DAB1: variants seen among roughly 807,000 people sequenced by gnomAD.
DAB1 encodes DAB adaptor protein 1, also known as disabled homolog 1.
A neutral mutation model predicts 64.6 loss-of-function variants in DAB1; 15 were observed. That is an observed-to-expected ratio of 0.23 (90% confidence interval 0.16 to 0.36). DAB1 has a LOEUF of 0.36. Ranked by LOEUF, DAB1 falls within the 10% of genes least tolerant of loss-of-function variation. DAB1 has a pLI of 1.00. For missense variants in DAB1, 596 were observed against 706.7 expected (o/e 0.84, Z 1.78); for synonymous variants, 235 against 251.9 (o/e 0.93, Z 0.64).
At chr1:57,564,836 T>C (rs964752469) in intron 7 of DAB1, among the ~76,000 whole-genome samples, 6 of 152,276 alleles carry the variant, frequency 3.9e-5, no homozygotes, top group Middle Eastern at 6.8e-3. Context: ...TGGAACCAAG[T>C]TGGAAAACAC....
At chr1:57,259,507 G>T (rs1290562262) in intron 2 of DAB1, among the ~76,000 whole-genome samples, 1 of 152,122 alleles carries the variant, frequency 6.6e-6, no homozygotes, top group Non-Finnish European at 1.5e-5. Context: ...TTCCAAGACT[G>T]GGTGAACCAC....
At chr1:58,121,890 GAA>G (rs1652760052) in intron 5 of DAB1, among the ~76,000 whole-genome samples, 2 of 152,262 alleles carry the variant, frequency 1.3e-5, no homozygotes, top group Admixed American at 1.3e-4. Flanking sequence ...AAGTAGAAGC[GAA>G]AAGAGTTAAG....
intron 9 of DAB1, among the ~76,000 whole-genome samples, chr1:57,053,722 C>T (rs2100536670): frequency 8.0e-6 from 1 of 124,406 alleles, no homozygotes; most frequent in East Asian, 2.4e-4. Flanking sequence ...GAGTCTCACT[C>T]TATCGCCCAG....
intron 3 of DAB1, among the ~76,000 whole-genome samples, chr1:58,453,818 TCA>T (rs1220557595): frequency 6.6e-6 from 1 of 151,796 alleles, no homozygotes; most frequent in East Asian, 1.9e-4. Context: ...CACAAAGATC[TCA>T]CAGAACCTGT....
chr1:58,284,783 C>T (rs1661644771), intron 4 of DAB1, among the ~76,000 whole-genome samples: 1 of 152,222 alleles, frequency 6.6e-6, no homozygotes, highest in South Asian at 2.1e-4. Context: ...GAAGTCTCAT[C>T]ACTGGAAAGG....
At position 57,388,447 on chromosome 1, in the gene DAB1, C is replaced by T. The variant is rs551700083; in HGVS notation, c.-137+35483G>A. On this transcript the variant is annotated intron_variant, in intron 1 of 14. Transcript: ENST00000371236. ...CCAGTCCTCGTGTAGGTGGTTCTGT[C>T]CCAAAGTGATGTGATCTCATTAAAA... 2.6e-5 allele frequency among the ~76,000 whole-genome samples: 4 copies of T among 152,134 alleles called. No individual in the cohort carries two copies. The South Asian group carries it at 8.3e-4, about 32-fold the overall frequency.
Position 57,130,974 on chromosome 1 carries a change from G to A in DAB1, c.306+5569C>T, listed in dbSNP as rs149810641. Reference sequence around the variant, plus strand: ...AGACATTAGAAAGTCATATAGCATAGGAAAATATCTTTTGCCATATGTGTC... The same window carrying A: ...AGACATTAGAAAGTCATATAGCATAAGAAAATATCTTTTGCCATATGTGTC... On this transcript the variant is annotated intron_variant, in intron 4 of 14. Coordinates refer to ENST00000371236, the MANE Select transcript of DAB1 (RefSeq NM_001365792.1). 3.8e-3 allele frequency among the ~76,000 whole-genome samples: 576 copies of A among 152,234 alleles called. 8 individuals carry two copies. The highest frequency in any genetic ancestry group is 0.013 in the African/African-American group (534 of 41,536).
At chr1:57,422,639 C>G (rs1685013128) in intron 1 of DAB1, among the ~76,000 whole-genome samples, 1 of 152,206 alleles carries the variant, frequency 6.6e-6, no homozygotes, top group East Asian at 1.9e-4. Context: ...TCCCCACCCC[C>G]ACGCCATTCC....
chr1:57,620,314 T>C (rs12401378), intron 7 of DAB1, among the ~76,000 whole-genome samples: 2,514 of 152,204 alleles, frequency 0.017, 41 homozygotes, highest in Admixed American at 0.047. Context: ...TAGGTACATA[T>C]GGGGTGATGG....
intron 10 of DAB1, 142 bp downstream of exon 10, chr1:57,025,839 G>C: frequency 1.5e-6 from 1 of 659,442 alleles, no homozygotes; most frequent in Non-Finnish European, 2.6e-6. Context: ...TAGTTAGTTT[G>C]TCCAAGTCAC....
At chr1:57,911,705 G>C (rs1213191883) in intron 5 of DAB1, among the ~76,000 whole-genome samples, 2 of 152,220 alleles carry the variant, frequency 1.3e-5, no homozygotes, top group Non-Finnish European at 2.9e-5. Context: ...TGCAGTGCCT[G>C]TTCTCTGACT....
chr1:57,536,289 T>C (rs1311877601), intron 7 of DAB1, among the ~76,000 whole-genome samples: 1 of 152,170 alleles, frequency 6.6e-6, no homozygotes, highest in Non-Finnish European at 1.5e-5. Flanking sequence ...CATGAAAAAC[T>C]TTGTGAGTCA....
intron 1 of DAB1, among the ~76,000 whole-genome samples, chr1:57,343,616 G>C (rs537323420): frequency 1.3e-5 from 2 of 152,342 alleles, no homozygotes; most frequent in East Asian, 3.9e-4. Flanking sequence ...GCTAAGGCCC[G>C]GCGAGAAATT....
intron 1 of DAB1, among the ~76,000 whole-genome samples, chr1:57,831,544 T>TC (rs1281991226): frequency 6.8e-6 from 1 of 147,874 alleles, no homozygotes; most frequent in Non-Finnish European, 1.5e-5. Flanking sequence ...TCTCTTTTTT[T>TC]TTTTTTTTTT....
chr1:57,884,558 T>C (rs1295981969), upstream of DAB1, among the ~76,000 whole-genome samples: 2 of 152,268 alleles, frequency 1.3e-5, no homozygotes, highest in South Asian at 2.1e-4. Flanking sequence ...AGCAGAATTA[T>C]TGGATAAAGA....
intron 9 of DAB1, among the ~76,000 whole-genome samples, chr1:57,026,849 C>T (rs1160165830): frequency 6.6e-6 from 1 of 152,144 alleles, no homozygotes; most frequent in East Asian, 1.9e-4. Context: ...CTTTAAGATA[C>T]ACTTAGAAAT....
intron 3 of DAB1, among the ~76,000 whole-genome samples, chr1:58,451,064 T>C (rs748954447): frequency 2.0e-5 from 3 of 152,208 alleles, no homozygotes; most frequent in Non-Finnish European, 4.4e-5. Flanking sequence ...ACACAATAAC[T>C]TTCTAATTTT....
At chr1:57,055,332 C>T (rs1314156458) in intron 9 of DAB1, among the ~76,000 whole-genome samples, 1 of 152,158 alleles carries the variant, frequency 6.6e-6, no homozygotes, top group East Asian at 1.9e-4. Context: ...GCTAGAAAGA[C>T]AGAGACATCA....
intron 7 of DAB1, among the ~76,000 whole-genome samples, chr1:57,541,131 CTTT>C (rs533723819): frequency 3.5e-5 from 5 of 142,446 alleles, no homozygotes; most frequent in African/African-American, 2.6e-5. Flanking sequence ...ACTTTTCTTT[CTTT>C]TTTTTTTTTT....
Sources: gnomAD v4.1 joint callset for allele counts (sites outside exome capture counted in the v4.1 genomes callset) on GRCh38, gnomAD v4.1.1 for gene constraint, MANE v1.5 for transcripts, NCBI Gene and HGNC (gene_info 2026-07-23, HGNC 2026-07-21) for gene names.